CDHR2: variants seen among roughly 807,000 people sequenced by gnomAD.
CDHR2 encodes cadherin-related family member 2.
In CDHR2, 104 loss-of-function variants were observed where a neutral mutation model predicts 138.6. That is an observed-to-expected ratio of 0.75 (90% CI 0.64 to 0.88). The LOEUF (loss-of-function observed/expected upper bound fraction) is 0.88. Among genes scored for constraint, CDHR2 ranks in the 40% least tolerant of loss-of-function variants. The pLI, the probability that CDHR2 is intolerant of heterozygous loss-of-function variation, is 0.00. For synonymous variants in CDHR2, 755 were observed against 742.8 expected (o/e 1.02, Z -0.27); for missense variants, 1,624 against 1,727.6 (o/e 0.94, Z 1.06).
At chr5:176,591,540 G>A (rs578245904) in intron 30 of CDHR2, 56 bp downstream of exon 30, 529 of 1,245,710 alleles carry the variant, frequency 4.2e-4, no homozygotes, top group Non-Finnish European at 5.6e-4. Flanking sequence ...AGGTAGTGAC[G>A]GTGGTGGTGG....
At chr5:176,589,221 G>A (rs368811475) in intron 22 of CDHR2, 39 bp downstream of exon 22, 2 of 1,611,396 alleles carry the variant, frequency 1.2e-6, no homozygotes, top group African/African-American at 1.3e-5. Flanking sequence ...TTGCGGGGAG[G>A]GGCCCGATAG....
upstream of CDHR2, among the ~76,000 whole-genome samples, chr5:176,545,241 A>C (rs2963691): frequency 0.61 from 91,495 of 150,300 alleles, 31,778 homozygotes; most frequent in Non-Finnish European, 0.77. Flanking sequence ...CTTGTGCCTC[A>C]GCCTCCTGAG....
chr5:176,575,542 G>A lies in CDHR2; in HGVS notation c.805G>A (p.Asp269Asn), dbSNP rs745658793. The A allele has an allele frequency of 9.3e-6, 15 of 1,614,154 alleles. No individual in the cohort carries two copies. Among genetic ancestry groups the A allele is most frequent in the South Asian group, 3.3e-5 (3 of 91,084 alleles). The change falls in exon 10 of 32, where the codon GAC becomes AAC. Residue 269 changes from aspartate to asparagine, a missense_variant. Transcript: ENST00000261944. Reference protein sequence around the residue: ...SVLTVEAVDGDKGINDPVIYS... With the variant: ...SVLTVEAVDGNKGINDPVIYS... ...GCTGACGGTGGAGGCTGTGGATGGCGACAAAGGCATCAATGACCCTGTGAT... is the reference window on the plus strand; with the variant it reads ...GCTGACGGTGGAGGCTGTGGATGGCAACAAAGGCATCAATGACCCTGTGAT...
At chr5:176,572,426 T>TA in intron 6 of CDHR2, among the ~76,000 whole-genome samples, 1 of 150,276 alleles carries the variant, frequency 6.7e-6, no homozygotes, top group Admixed American at 6.6e-5. Flanking sequence ...ATAAAAAAAT[T>TA]AAAAAATTAA....
At chr5:176,577,022 G>C (rs1240557579) in intron 12 of CDHR2, among the ~76,000 whole-genome samples, 1 of 151,892 alleles carries the variant, frequency 6.6e-6, no homozygotes, top group Non-Finnish European at 1.5e-5. Flanking sequence ...GGTGGGGTTA[G>C]GTTGGCCAGA....
rs1758439639 is a variant in CDHR2, at chr5:176,578,088, G to A, written c.1567G>A (p.Gly523Arg). 1 of 1,612,828 alleles carries A rather than the reference G, an allele frequency of 6.2e-7. No individual in the cohort carries two copies. The highest frequency in any genetic ancestry group is 2.2e-5 in the East Asian group (1 of 44,828). The change falls in exon 15 of 32, where the codon GGA becomes AGA. Residue 523 changes from glycine to arginine, a missense_variant. Physicochemically the swap from Gly to Arg is moderately radical, Grantham distance 125. Around this residue, in one of 3 missense-constraint regions of CDHR2, gnomAD observed 1,061 missense variants for 1,136.6 expected, o/e 0.93. Transcript: ENST00000261944. ...WGQITYSLLP[G>R]NGADLFQVDP... ...CCAAATTACCTACAGCCTGCTCCCA[G>A]GAAATGGGTAAGGGCTCAGGGTGGG...
At chr5:176,562,357 G>A (rs891802766) in intron 1 of CDHR2, among the ~76,000 whole-genome samples, 16 of 151,080 alleles carry the variant, frequency 1.1e-4, no homozygotes, top group Non-Finnish European at 2.1e-4. Flanking sequence ...AGAGGAGGCT[G>A]CACGGATTGG....
chr5:176,586,896 G>A, intron 21 of CDHR2, 54 bp downstream of exon 21: 1 of 1,483,772 alleles, frequency 6.7e-7, no homozygotes, highest in Non-Finnish European at 9.3e-7. Flanking sequence ...GGGACACAGG[G>A]CTGAGGCCTT....
chr5:176,578,286 TTTG>T, intron 15 of CDHR2, 76 bp from the exon 16 acceptor site: 2 of 1,395,960 alleles, frequency 1.4e-6, no homozygotes, highest in Non-Finnish European at 2.0e-6. Context: ...TGCTGAAATA[TTTG>T]TTGTTGTATA....
chr5:176,560,332 G>T (rs1447353523), intron 1 of CDHR2, among the ~76,000 whole-genome samples: 3 of 151,906 alleles, frequency 2.0e-5, no homozygotes, highest in Admixed American at 2.0e-4. Context: ...GGGGGTGGAG[G>T]TTGCAGTGAG....
At chr5:176,575,454 T>C in intron 9 of CDHR2, 28 bp downstream of exon 9, 1 of 1,613,912 alleles carries the variant, frequency 6.2e-7, no homozygotes, top group African/African-American at 1.3e-5. Context: ...GGGGTGTGGG[T>C]GGAGGCGGGA....
intron 14 of CDHR2, 89 bp downstream of exon 14, chr5:176,577,887 A>C: frequency 6.6e-7 from 1 of 1,510,544 alleles, no homozygotes; most frequent in South Asian, 1.2e-5. Context: ...TGTATGTGTG[A>C]GATGGGGGTG....
In CDHR2 at chr5:176,577,561, G is replaced by A; in HGVS notation, c.1350+7G>A. 2 of 1,613,698 alleles carry A rather than the reference G, an allele frequency of 1.2e-6. No individual in the cohort carries two copies. Among genetic ancestry groups the A allele is most frequent in the Non-Finnish European group, 1.7e-6 (2 of 1,179,802 alleles). On this transcript the variant is annotated splice_region_variant and intron_variant, in intron 13 of 31. Coordinates refer to ENST00000261944, the MANE Select transcript of CDHR2 (RefSeq NM_017675.6). ...GACGGCGATGGCGGTGCAGGTGAGG[G>A]CTGCTCCGGGGTGCCAGGGGCAGAA... is the stretch of plus-strand genomic sequence containing the variant.
At chr5:176,550,033 ATC>A (rs1173549249) in intron 1 of CDHR2, among the ~76,000 whole-genome samples, 1 of 152,180 alleles carries the variant, frequency 6.6e-6, no homozygotes, top group African/African-American at 2.4e-5. Context: ...GGCCTTGCAC[ATC>A]TCTCTGCCCT....
rs115436629 is a variant in CDHR2 at position 176,564,580 on chromosome 5, C to T, written c.-15-758C>T. Among the ~76,000 whole-genome samples, 440 of 152,290 alleles carry T rather than the reference C, an allele frequency of 2.9e-3. 2 individuals are homozygous for T. The highest frequency in any genetic ancestry group is 9.9e-3 in the African/African-American group (412 of 41,572). ...TTTTCTCCTTTTCCCTAACAAGGGA[C>T]GGCTTGCAACATAAGATGATCAAAA... On this transcript the variant is annotated intron_variant, in intron 1 of 31. Coordinates refer to ENST00000261944, the MANE Select transcript of CDHR2 (RefSeq NM_017675.6).
At position 176,595,647 on chromosome 5, in the gene CDHR2, C is replaced by G; in HGVS notation, c.3908C>G (p.Ala1303Gly). The change falls in exon 32 of 32, where the codon GCT becomes GGT. Residue 1303 changes from alanine (A) to glycine (G), a missense_variant. Physicochemically the swap from Ala to Gly is moderately conservative, Grantham distance 60. Coordinates refer to ENST00000261944, the MANE Select transcript of CDHR2 (RefSeq NM_017675.6). The stretch of plus-strand genomic sequence containing the variant: ...CTGGAGGGGCCATCCTACACCAACG[C>G]TGGCCTGGACACCACGGACCTGTGA... The part of the protein sequence containing the change: ...GQLEGPSYTN[A>G]GLDTTDL 1 of 1,607,030 alleles carries G rather than the reference C, an allele frequency of 6.2e-7. No individual in the cohort carries two copies. The highest frequency in any genetic ancestry group is 1.1e-5 in the South Asian group (1 of 90,342).
chr5:176,569,092 G>A, intron 5 of CDHR2, 82 bp downstream of exon 5: 1 of 1,308,920 alleles, frequency 7.6e-7, no homozygotes, highest in African/African-American at 1.5e-5. Context: ...CAAGCGGACG[G>A]TGCCCCAGTT....
chr5:176,588,586 G>GGT (rs376403988), intron 21 of CDHR2, among the ~76,000 whole-genome samples: 2 of 137,032 alleles, frequency 1.5e-5, no homozygotes, highest in Non-Finnish European at 3.2e-5. Flanking sequence ...TGTGTGTGAG[G>GGT]GTGTGTATGA....
intron 10 of CDHR2, 50 bp downstream of exon 10, chr5:176,575,631 G>T (rs1758357455): frequency 6.2e-7 from 1 of 1,605,712 alleles, no homozygotes; most frequent in Non-Finnish European, 8.5e-7. Flanking sequence ...CCAGGGTGGG[G>T]TCTCCGTCAG....
Sources: gnomAD v4.1 joint callset for allele counts (sites outside exome capture counted in the v4.1 genomes callset) on GRCh38, gnomAD v4.1.1 for gene constraint, gnomAD v4.1.1 regional missense constraint, MANE v1.5 for transcripts, NCBI Gene and HGNC (gene_info 2026-07-23, HGNC 2026-07-21) for gene names.